The following SNTG2 variants were observed in gnomAD, a reference collection of about 807,000 sequenced individuals.
SNTG2 encodes the protein syntrophin gamma 2.
A neutral mutation model predicts 70.9 loss-of-function variants in SNTG2; 74 were observed. The observed-to-expected ratio is 1.04, with a 90% CI of 0.86 to 1.27. The LOEUF (loss-of-function observed/expected upper bound fraction) is 1.27, where lower values mean the gene tolerates loss of function less well. Among genes scored for constraint, SNTG2 ranks in the 50% most tolerant of loss-of-function variants. The pLI is 0.00. For synonymous variants in SNTG2, 278 were observed against 273.8 expected, an observed-to-expected ratio of 1.02 and a Z score of -0.15; for missense variants, 717 against 690.7, an observed-to-expected ratio of 1.04 and a Z score of -0.43.
intron 1 of SNTG2, among the ~76,000 whole-genome samples, chr2:1,004,695 T>A (rs752029948): frequency 6.6e-6 from 1 of 152,220 alleles, no homozygotes; most frequent in Non-Finnish European, 1.5e-5. Flanking sequence ...ATGGGGACTC[T>A]CCTTCGTTGT....
At chr2:1,359,277 G>A (rs1415957787) in intron 16 of SNTG2, among the ~76,000 whole-genome samples, 1 of 151,996 alleles carries the variant, frequency 6.6e-6, no homozygotes, top group African/African-American at 2.4e-5. Context: ...TTCTACTTGA[G>A]GTGTCATATC....
intron 4 of SNTG2, among the ~76,000 whole-genome samples, chr2:1,127,861 A>G (rs6723738): frequency 0.6 from 90,418 of 151,908 alleles, 27,613 homozygotes; most frequent in East Asian, 0.72. Flanking sequence ...TTTTGGTAGA[A>G]CCTTTAGGTT....
chr2:1,234,218 C>T (rs1490590503), intron 9 of SNTG2, among the ~76,000 whole-genome samples: 3 of 152,132 alleles, frequency 2.0e-5, no homozygotes, highest in East Asian at 1.9e-4. Flanking sequence ...TGCATCCAGA[C>T]GTGCCTGAAA....
chr2:1,181,093 G>A (rs1328661549), intron 8 of SNTG2, among the ~76,000 whole-genome samples: 1 of 152,120 alleles, frequency 6.6e-6, no homozygotes, highest in Non-Finnish European at 1.5e-5. Flanking sequence ...GAGAGGGATA[G>A]CATTAGGAGA....
chr2:1,256,137 G>A (rs554739520), intron 12 of SNTG2, among the ~76,000 whole-genome samples: 6 of 151,172 alleles, frequency 4.0e-5, no homozygotes, highest in African/African-American at 1.2e-4. Flanking sequence ...CAAATGTTTC[G>A]GCACCATTAC....
At chr2:1,149,082 T>C (rs67170865) in intron 6 of SNTG2, among the ~76,000 whole-genome samples, 142,648 of 152,274 alleles carry the variant, frequency 0.94, 66,944 homozygotes, top group Non-Finnish European at 0.97. Flanking sequence ...CTTGTGGACA[T>C]GAGTTTGGAA....
At chr2:1,035,711 G>GA (rs1306937635) in intron 1 of SNTG2, among the ~76,000 whole-genome samples, 3 of 152,072 alleles carry the variant, frequency 2.0e-5, no homozygotes, top group Non-Finnish European at 4.4e-5. Flanking sequence ...AAATGGGCAC[G>GA]ATCCTCCTTT....
chr2:1,330,122 G>C (rs1285430931), intron 16 of SNTG2, among the ~76,000 whole-genome samples: 1 of 152,124 alleles, frequency 6.6e-6, no homozygotes, highest in Non-Finnish European at 1.5e-5. Context: ...AGTGGAAGAT[G>C]GGACAAGGTC....
At chr2:1,308,873 G>T (rs145462212) in intron 15 of SNTG2, among the ~76,000 whole-genome samples, 2 of 151,908 alleles carry the variant, frequency 1.3e-5, no homozygotes, top group Non-Finnish European at 2.9e-5. Context: ...TTGAGTAAAC[G>T]CTTTGAAAAA....
chr2:1,276,337 C>G (rs1333802910), intron 14 of SNTG2, among the ~76,000 whole-genome samples: 1 of 152,224 alleles, frequency 6.6e-6, no homozygotes, highest in Admixed American at 6.5e-5. Context: ...GGCTGACTCT[C>G]TTATTAGGGT....
intron 9 of SNTG2, among the ~76,000 whole-genome samples, chr2:1,223,515 A>G (rs1675508457): frequency 6.6e-6 from 1 of 152,204 alleles, no homozygotes. Context: ...TAGCCCCACA[A>G]CCACAGCTGT....
intron 4 of SNTG2, among the ~76,000 whole-genome samples, chr2:1,133,807 C>A (rs1047216737): frequency 6.6e-6 from 1 of 152,204 alleles, no homozygotes; most frequent in Non-Finnish European, 1.5e-5. Flanking sequence ...AATGACTCTT[C>A]TTCCTCCTCC....
At chr2:1,018,114 A>G (rs986894187) in intron 1 of SNTG2, among the ~76,000 whole-genome samples, 9 of 152,214 alleles carry the variant, frequency 5.9e-5, no homozygotes, top group Non-Finnish European at 4.4e-5. Context: ...GTAGTATGGT[A>G]ACGAGCCTCT....
intron 1 of SNTG2, among the ~76,000 whole-genome samples, chr2:1,072,534 T>TA (rs1177249921): frequency 6.6e-6 from 1 of 152,066 alleles, no homozygotes; most frequent in Non-Finnish European, 1.5e-5. Context: ...AAAAAAAAGA[T>TA]ATCTTTCAAA....
intron 1 of SNTG2, among the ~76,000 whole-genome samples, chr2:1,064,934 G>C (rs1663055712): frequency 6.6e-6 from 1 of 152,212 alleles, no homozygotes; most frequent in African/African-American, 2.4e-5. Context: ...CAAAAAGAAT[G>C]AAAGGGTTTG....
intron 1 of SNTG2, among the ~76,000 whole-genome samples, chr2:1,062,717 T>C (rs1047725459): frequency 3.3e-5 from 5 of 152,204 alleles, no homozygotes; most frequent in African/African-American, 1.2e-4. Flanking sequence ...AATTTTCCCT[T>C]GATTTTTGTG....
chr2:988,841 CAT>C (rs1185098357), intron 1 of SNTG2, among the ~76,000 whole-genome samples: 3 of 151,954 alleles, frequency 2.0e-5, no homozygotes, highest in African/African-American at 2.4e-5. Flanking sequence ...ACTGGTGAAA[CAT>C]GTCAAAAATA....
chr2:1,362,713 T>C (rs376535928), intron 16 of SNTG2, among the ~76,000 whole-genome samples: 4 of 146,754 alleles, frequency 2.7e-5, no homozygotes, highest in Non-Finnish European at 6.0e-5. Flanking sequence ...AGCATTTCAG[T>C]AGAACTTCCG....
At chr2:1,244,978 G>A (rs898053860) in intron 11 of SNTG2, among the ~76,000 whole-genome samples, 2 of 151,934 alleles carry the variant, frequency 1.3e-5, no homozygotes, top group Admixed American at 1.3e-4. Context: ...GTAGGGACAT[G>A]GATGAAACTG....
Sources: gnomAD v4.1 joint callset for allele counts (sites outside exome capture counted in the v4.1 genomes callset) on GRCh38, gnomAD v4.1.1 for gene constraint, MANE v1.5 for transcripts, NCBI Gene and HGNC (gene_info 2026-07-23, HGNC 2026-07-21) for gene names.